The following NPFFR2 variants were observed in gnomAD, a reference collection of about 807,000 sequenced individuals.
NPFFR2 encodes G-protein coupled receptor 74.
Under a neutral mutation model 13.1 loss-of-function variants are expected in NPFFR2, and 15 were observed. That is an observed-to-expected ratio of 1.15 (90% CI 0.77 to 1.76). NPFFR2 has a LOEUF of 1.76. NPFFR2 is among the 40% of genes most tolerant of loss of function. The pLI is 0.00. For missense variants in NPFFR2, 572 were observed against 503.5 expected (o/e 1.14, Z -1.30); for synonymous variants, 190 against 175.7 (o/e 1.08, Z -0.65).
intron 1 of NPFFR2, among the ~76,000 whole-genome samples, chr4:72,097,242 G>A (rs1171632325): frequency 1.3e-5 from 2 of 151,964 alleles, no homozygotes; most frequent in East Asian, 1.9e-4. Flanking sequence ...TACCGTTTTT[G>A]TGGCTATAAT....
intron 1 of NPFFR2, among the ~76,000 whole-genome samples, chr4:72,073,325 A>T (rs1249088255): frequency 6.6e-6 from 1 of 152,020 alleles, no homozygotes; most frequent in African/African-American, 2.4e-5. Flanking sequence ...AAACATATAC[A>T]ACTACAATGT....
chr4:72,053,939 T>G (rs951680984), intron 1 of NPFFR2, among the ~76,000 whole-genome samples: 1 of 151,918 alleles, frequency 6.6e-6, no homozygotes, highest in African/African-American at 2.4e-5. Context: ...TTCCCTTTTC[T>G]CCTAGTTTTA....
Position 72,147,209 on chromosome 4 carries a change from C to T in NPFFR2, c.660C>T (p.Thr220=). 1 of 1,614,154 alleles carries T rather than the reference C, an allele frequency of 6.2e-7. No homozygotes were observed. The highest frequency in any genetic ancestry group is 1.3e-5 in the African/African-American group (1 of 75,044). Residue 220 remains threonine (T), a synonymous_variant, in exon 4 of 4, where the codon ACC becomes ACT. Transcript: ENST00000308744. ...WPNQEMRKIY[T]TVLFANIYLA... is the part of the protein sequence containing the mutation. ...ATCAGGAAATGAGGAAGATCTACAC[C>T]ACTGTGCTGTTTGCCAACATCTACC...
chr4:72,047,838 A>T (rs566950074), intron 1 of NPFFR2, among the ~76,000 whole-genome samples: 29 of 152,312 alleles, frequency 1.9e-4, no homozygotes, highest in African/African-American at 6.5e-4. Context: ...AGAGATAGAC[A>T]CACAAGCATA....
intron 1 of NPFFR2, among the ~76,000 whole-genome samples, chr4:72,127,750 A>G (rs1260939626): frequency 6.6e-6 from 1 of 152,030 alleles, no homozygotes; most frequent in African/African-American, 2.4e-5. Context: ...AGAGACTCAC[A>G]ATATGGTGGC....
At chr4:72,124,302 A>C (rs1721973110) in intron 1 of NPFFR2, among the ~76,000 whole-genome samples, 1 of 152,190 alleles carries the variant, frequency 6.6e-6, no homozygotes, top group Non-Finnish European at 1.5e-5. Flanking sequence ...AATCAATATC[A>C]TGAAAAATGG....
intron 1 of NPFFR2, among the ~76,000 whole-genome samples, chr4:72,094,384 G>C (rs1240170597): frequency 1.3e-5 from 2 of 152,184 alleles, no homozygotes; most frequent in Non-Finnish European, 2.9e-5. Flanking sequence ...GCTTGGCCTA[G>C]GATCAGGCGG....
intron 1 of NPFFR2, among the ~76,000 whole-genome samples, chr4:72,064,987 A>G (rs1270303482): frequency 6.6e-6 from 1 of 152,054 alleles, no homozygotes; most frequent in African/African-American, 2.4e-5. Flanking sequence ...ATATGAAAAG[A>G]GAAAAGAGGA....
Position 72,128,764 on chromosome 4 carries a change from TG to T in NPFFR2, c.174del (p.Leu58PhefsTer3). ...ATTTCCTACTTTCTGATCTTCTTTTTGTGCATGATGGGAAATACTGTGGTTT... is the reference window on the plus strand; with the variant it reads ...ATTTCCTACTTTCTGATCTTCTTTTTTGCATGATGGGAAATACTGTGGTTT... ...FIISYFLIFF[L>X]CMMGNTVVCF... is the part of the protein sequence containing the mutation. On this transcript the variant is annotated frameshift_variant, in exon 2 of 4. Transcript: ENST00000308744. LOFTEE classifies it high-confidence loss of function. 1.2e-6 allele frequency: 2 copies of T among 1,614,198 alleles called. No homozygotes were observed. The highest frequency in any genetic ancestry group is 1.7e-6 in the Non-Finnish European group (2 of 1,180,026).
chr4:72,053,549 T>C (rs1234292468), intron 1 of NPFFR2, among the ~76,000 whole-genome samples: 1 of 151,996 alleles, frequency 6.6e-6, no homozygotes, highest in African/African-American at 2.4e-5. Context: ...TGTTTTTTTA[T>C]TTATGATAAA....
chr4:72,103,164 A>T lies in NPFFR2; in HGVS notation c.-7-25421A>T, dbSNP rs191346141. Reference sequence around the variant, plus strand: ...AGCTTAGAATGTGCAAACACAAATGATTTATTAAGGCAGTTGCATCATTTT... The same window carrying T: ...AGCTTAGAATGTGCAAACACAAATGTTTTATTAAGGCAGTTGCATCATTTT... On this transcript the variant is annotated intron_variant, in intron 1 of 3. Transcript: ENST00000308744. Among the ~76,000 whole-genome samples, 694 of 152,294 alleles carry T rather than the reference A, an allele frequency of 4.6e-3. 3 individuals are homozygous for T. Among genetic ancestry groups the T allele is most frequent in the African/African-American group, 0.016 (665 of 41,578 alleles).
At chr4:72,097,544 G>C (rs1436127774) in intron 1 of NPFFR2, among the ~76,000 whole-genome samples, 4 of 152,096 alleles carry the variant, frequency 2.6e-5, no homozygotes, top group African/African-American at 9.7e-5. Context: ...TATAGTAAAA[G>C]CTTCACTGTA....
At chr4:72,091,322 G>A (rs1445154154) in intron 1 of NPFFR2, among the ~76,000 whole-genome samples, 1 of 152,036 alleles carries the variant, frequency 6.6e-6, no homozygotes, top group Non-Finnish European at 1.5e-5. Context: ...CCTGGTTTTG[G>A]TATTAGGGTG....
At chr4:72,050,123 C>T (rs1367776507) in intron 1 of NPFFR2, among the ~76,000 whole-genome samples, 1 of 151,890 alleles carries the variant, frequency 6.6e-6, no homozygotes, top group African/African-American at 2.4e-5. Flanking sequence ...TAATGAATAT[C>T]CTAATCCTTC....
chr4:72,121,126 C>A (rs1462907739), intron 1 of NPFFR2, among the ~76,000 whole-genome samples: 1 of 151,680 alleles, frequency 6.6e-6, no homozygotes, highest in Non-Finnish European at 1.5e-5. Context: ...ATAGCCAAAT[C>A]GATCAAGCGG....
intron 1 of NPFFR2, among the ~76,000 whole-genome samples, chr4:72,043,506 G>C (rs893384265): frequency 2.6e-5 from 4 of 152,250 alleles, no homozygotes; most frequent in Non-Finnish European, 5.9e-5. Context: ...GGTGGAGCTT[G>C]CCAAGGCCAT....
chr4:72,097,568 T>A (rs755065418), intron 1 of NPFFR2, among the ~76,000 whole-genome samples: 2 of 152,180 alleles, frequency 1.3e-5, no homozygotes, highest in Non-Finnish European at 2.9e-5. Context: ...TTTTAACTAC[T>A]GGAGACTTTT....
intron 1 of NPFFR2, among the ~76,000 whole-genome samples, chr4:72,105,663 A>G (rs1721398569): frequency 6.6e-6 from 1 of 152,068 alleles, no homozygotes; most frequent in South Asian, 2.1e-4. Flanking sequence ...AAGAGTCACC[A>G]TTGAAAAATC....
intron 1 of NPFFR2, among the ~76,000 whole-genome samples, chr4:72,073,564 A>G (rs1483782337): frequency 6.6e-6 from 1 of 152,062 alleles, no homozygotes; most frequent in Non-Finnish European, 1.5e-5. Flanking sequence ...TACTCTATTT[A>G]AGAGACTTAC....
Sources: allele counts gnomAD v4.1 joint callset (sites outside exome capture counted in the v4.1 genomes callset), GRCh38; gene constraint gnomAD v4.1.1; transcripts MANE v1.5; gene names NCBI Gene and HGNC (gene_info 2026-07-23, HGNC 2026-07-21).